The following CAPS2 variants were observed in gnomAD, a reference collection of about 807,000 sequenced individuals.
CAPS2 encodes the protein calcyphosin-2.
A neutral mutation model predicts 86.5 loss-of-function variants in CAPS2; 98 were observed. That is an observed-to-expected ratio of 1.13 (90% CI 0.96 to 1.34). The LOEUF (loss-of-function observed/expected upper bound fraction) is 1.34, where lower values mean the gene tolerates loss of function less well. CAPS2 is among the 40% of genes most tolerant of loss of function. The pLI, the probability that CAPS2 is intolerant of heterozygous loss-of-function variation, is 0.00. For missense variants in CAPS2, 729 were observed against 686.8 expected, an observed-to-expected ratio of 1.06 and a Z score of -0.69; for synonymous variants, 210 against 225.1, an observed-to-expected ratio of 0.93 and a Z score of 0.60.
chr12:75,319,922 G>T (rs1386422442), intron 5 of CAPS2, among the ~76,000 whole-genome samples: 1 of 151,882 alleles, frequency 6.6e-6, no homozygotes, highest in Non-Finnish European at 1.5e-5. Flanking sequence ...TTCTCATAAT[G>T]GTATACATTT....
rs543175622 is a variant in CAPS2 at position 75,384,677 on chromosome 12, A to T, written c.-395+6161T>A. Among the ~76,000 whole-genome samples, 13 of 152,280 alleles carry T rather than the reference A, an allele frequency of 8.5e-5. No homozygotes were observed. In the South Asian group the frequency reaches 1.0e-3, roughly 12 times the overall value. ...TGAGGCCAGCATTACCCTAATACCAAAATCCTGCAAAAACATTACAAGAAA... is the reference window on the plus strand; with the variant it reads ...TGAGGCCAGCATTACCCTAATACCATAATCCTGCAAAAACATTACAAGAAA... On this transcript the variant is annotated intron_variant, in intron 1 of 5. Transcript: ENST00000551829.
At chr12:75,346,968 T>C (rs2042494294) in intron 1 of CAPS2, among the ~76,000 whole-genome samples, 1 of 152,042 alleles carries the variant, frequency 6.6e-6, no homozygotes, top group Non-Finnish European at 1.5e-5. Flanking sequence ...TATTCTATCA[T>C]TGTCACAAAA....
intron 1 of CAPS2, among the ~76,000 whole-genome samples, chr12:75,356,142 A>G (rs1448045474): frequency 6.6e-6 from 1 of 152,180 alleles, no homozygotes; most frequent in African/African-American, 2.4e-5. Flanking sequence ...TAAAATAAAA[A>G]CAAAAATATA....
intron 1 of CAPS2, chr12:75,373,775 A>C (rs2044500687): frequency 6.5e-6 from 1 of 153,074 alleles, no homozygotes; most frequent in South Asian, 2.0e-4. Context: ...GGGGGAGAGA[A>C]GGCAGGATGG....
chr12:75,294,495 A>G (rs1216785238), intron 11 of CAPS2, among the ~76,000 whole-genome samples: 1 of 152,178 alleles, frequency 6.6e-6, no homozygotes, highest in Non-Finnish European at 1.5e-5. Flanking sequence ...CAAGGGAGAG[A>G]GCACTGTTAT....
At chr12:75,381,173 G>A (rs1455623253) in intron 1 of CAPS2, among the ~76,000 whole-genome samples, 1 of 152,156 alleles carries the variant, frequency 6.6e-6, no homozygotes, top group Non-Finnish European at 1.5e-5. Flanking sequence ...TCTCATGACA[G>A]TGAATAAGTC....
At chr12:75,309,524 A>C (rs1176319306) in intron 7 of CAPS2, among the ~76,000 whole-genome samples, 2 of 152,222 alleles carry the variant, frequency 1.3e-5, no homozygotes, top group East Asian at 3.8e-4. Context: ...CAATACCCTA[A>C]GTCTGAATAA....
intron 7 of CAPS2, 127 bp from the exon 8 acceptor site, chr12:75,305,003 T>C: frequency 1.7e-6 from 1 of 602,186 alleles, no homozygotes; most frequent in Non-Finnish European, 2.6e-6. Flanking sequence ...CAGAATATTT[T>C]TATTAAATAA....
At chr12:75,285,839 T>G (rs960296563) in intron 14 of CAPS2, among the ~76,000 whole-genome samples, 2 of 152,008 alleles carry the variant, frequency 1.3e-5, no homozygotes, top group African/African-American at 4.8e-5. Context: ...TTATAACCAC[T>G]AATTATATTT....
intron 15 of CAPS2, among the ~76,000 whole-genome samples, chr12:75,282,779 T>C (rs1399153815): frequency 6.6e-6 from 1 of 152,208 alleles, no homozygotes; most frequent in Non-Finnish European, 1.5e-5. Context: ...AACAAGACAT[T>C]TTAAAAGTAC....
intron 1 of CAPS2, chr12:75,363,175 G>A (rs747063035): frequency 2.6e-6 from 4 of 1,523,754 alleles, no homozygotes; most frequent in Middle Eastern, 2.1e-4. Context: ...AGAGAAATGT[G>A]TAAAGAACCT....
intron 1 of CAPS2, among the ~76,000 whole-genome samples, chr12:75,356,132 T>C: frequency 6.6e-6 from 1 of 151,918 alleles, no homozygotes; most frequent in East Asian, 1.9e-4. Context: ...CCCTGGAACT[T>C]AAAATAAAAA....
intron 1 of CAPS2, among the ~76,000 whole-genome samples, chr12:75,344,352 A>C (rs1013811503): frequency 1.3e-5 from 2 of 152,074 alleles, no homozygotes; most frequent in Non-Finnish European, 1.5e-5. Flanking sequence ...AATTTCAAGT[A>C]ATTTTATTGC....
intron 2 of CAPS2, among the ~76,000 whole-genome samples, chr12:75,323,855 C>T (rs562511095): frequency 2.6e-5 from 4 of 152,284 alleles, no homozygotes; most frequent in South Asian, 2.1e-4. Flanking sequence ...ATGTTTATCC[C>T]GTCTCTATGG....
chr12:75,350,771 A>G (rs1200739589), intron 1 of CAPS2, among the ~76,000 whole-genome samples: 1 of 152,190 alleles, frequency 6.6e-6, no homozygotes, highest in African/African-American at 2.4e-5. Flanking sequence ...AAAACTCAAA[A>G]AGCCAGAGTG....
intron 11 of CAPS2, 123 bp from the exon 12 acceptor site, chr12:75,293,490 T>C (rs2036366491): frequency 7.3e-6 from 5 of 685,714 alleles, no homozygotes; most frequent in Non-Finnish European, 1.3e-5. Flanking sequence ...GGGTAAGAAG[T>C]ATATTTGGAG....
At chr12:75,296,543 C>T (rs1462462148) in intron 11 of CAPS2, among the ~76,000 whole-genome samples, 1 of 152,286 alleles carries the variant, frequency 6.6e-6, no homozygotes, top group East Asian at 1.9e-4. Flanking sequence ...CTGCCCCCCT[C>T]GGCCTCCCAA....
At chr12:75,283,118 A>C (rs1387705858) in intron 15 of CAPS2, among the ~76,000 whole-genome samples, 1 of 152,224 alleles carries the variant, frequency 6.6e-6, no homozygotes, top group Non-Finnish European at 1.5e-5. Context: ...CTTTTAAATG[A>C]GTTATGTTAC....
At chr12:75,300,059 T>C (rs888961746) in intron 8 of CAPS2, 148 bp from the exon 9 acceptor site, 25 of 437,210 alleles carry the variant, frequency 5.7e-5, no homozygotes, top group African/African-American at 4.9e-4. Context: ...TTTTTCAGAT[T>C]GCTAATTGTA....
Sources: gnomAD v4.1 joint callset for allele counts (sites outside exome capture counted in the v4.1 genomes callset) on GRCh38, gnomAD v4.1.1 for gene constraint, MANE v1.5 for transcripts, NCBI Gene and HGNC (gene_info 2026-07-23, HGNC 2026-07-21) for gene names.